CDH11: variants seen among roughly 807,000 people sequenced by gnomAD.
CDH11 encodes cadherin 11, also known as cadherin-11.
In CDH11, 11 loss-of-function variants were observed where a neutral mutation model predicts 67.8. The observed-to-expected ratio is 0.16, with a 90% CI of 0.10 to 0.27. The LOEUF is 0.27. Among genes scored for constraint, CDH11 ranks in the 10% least tolerant of loss-of-function variants. The probability of loss-of-function intolerance (pLI) is 1.00; values close to 1 mark genes in which losing one functional copy is unlikely to be tolerated. For missense variants in CDH11, 847 were observed against 1,031.2 expected (o/e 0.82, Z 2.45); for synonymous variants, 419 against 400.0 (o/e 1.05, Z -0.57).
At chr16:65,113,607 T>C (rs1327665470) in intron 1 of CDH11, among the ~76,000 whole-genome samples, 6 of 152,076 alleles carry the variant, frequency 3.9e-5, no homozygotes, top group Non-Finnish European at 2.9e-5. Context: ...TGCCACGTGG[T>C]AAAGCGGGCA....
chr16:65,017,975 C>T (rs1011887784), intron 2 of CDH11, among the ~76,000 whole-genome samples: 7 of 152,304 alleles, frequency 4.6e-5, no homozygotes, highest in Non-Finnish European at 7.4e-5. Flanking sequence ...CCTTACTATA[C>T]TTGGCCTGAT....
chr16:64,986,385 G>A lies in CDH11; in HGVS notation c.999+1772C>T, dbSNP rs906050543. 13 of 152,092 alleles carry A rather than the reference G, an allele frequency of 8.5e-5. No homozygotes were observed. In the East Asian group the frequency reaches 1.8e-3, roughly 21 times the overall value. 9.4% of individuals were successfully genotyped at this position (152,092 alleles called of 1,614,324 possible). On this transcript the variant is annotated intron_variant, in intron 7 of 12. Coordinates refer to ENST00000268603, the MANE Select transcript of CDH11 (RefSeq NM_001797.4). ...AATCATATGCAGAGAGCTCATTTGC[G>A]ACGTGTGAGTTCCATGGGGGTGATT...
intron 1 of CDH11, among the ~76,000 whole-genome samples, chr16:65,111,081 AC>A (rs2075148360): frequency 6.6e-6 from 1 of 152,196 alleles, no homozygotes; most frequent in African/African-American, 2.4e-5. Context: ...GAGGAAACCA[AC>A]CCATAGCATG....
Position 64,971,581 on chromosome 16 carries a change from C to T in CDH11, c.1640G>A (p.Arg547Gln), listed in dbSNP as rs373610980. The change falls in exon 11 of 13, where the codon CGA becomes CAA. Residue 547 changes from arginine to glutamine, a missense_variant and splice_region_variant. Arg to Gln is a conservative substitution (Grantham distance 43). Coordinates refer to ENST00000268603, the MANE Select transcript of CDH11 (RefSeq NM_001797.4). ...HNPNFTVRDNRDNTAGVYARR... is the reference protein window; with the variant it reads ...HNPNFTVRDNQDNTAGVYARR... Reference sequence around the variant, plus strand: ...TGCGTAGGAACCTTAGTACAAACCTCGGTTGTCTCTGACTGTGAAATTTGG... The same window carrying T: ...TGCGTAGGAACCTTAGTACAAACCTTGGTTGTCTCTGACTGTGAAATTTGG... 7.5e-6 allele frequency: 12 copies of T among 1,598,992 alleles called. No homozygotes were observed. The highest frequency in any genetic ancestry group is 5.4e-5 in the African/African-American group (4 of 74,366).
chr16:65,094,904 A>T (rs1597187049), intron 1 of CDH11: 1 of 152,016 alleles, frequency 6.6e-6, no homozygotes, highest in Non-Finnish European at 1.5e-5. Context: ...AACTGTGAGA[A>T]AAAAAAACAT....
At chr16:64,986,098 G>A (rs2072480264) in intron 7 of CDH11, 1 of 152,050 alleles carries the variant, frequency 6.6e-6, no homozygotes, top group Non-Finnish European at 1.5e-5. Context: ...TTGCCATAAT[G>A]TCTCTATAGA....
chr16:64,955,215 C>T, intron 11 of CDH11, among the ~76,000 whole-genome samples: 1 of 152,084 alleles, frequency 6.6e-6, no homozygotes, highest in East Asian at 1.9e-4. Context: ...TACTGTACTC[C>T]AGCCTGGGTG....
At chr16:65,039,427 C>G (rs1435325902) in intron 2 of CDH11, among the ~76,000 whole-genome samples, 1 of 152,132 alleles carries the variant, frequency 6.6e-6, no homozygotes, top group Non-Finnish European at 1.5e-5. Context: ...ACTATCTGAT[C>G]TTTGACAAAC....
At chr16:64,990,578 A>G (rs536008979) in intron 6 of CDH11, among the ~76,000 whole-genome samples, 1 of 118,508 alleles carries the variant, frequency 8.4e-6, no homozygotes, top group Admixed American at 1.0e-4. Context: ...CTTGTGTTCA[A>G]ACTCTGACTT....
chr16:64,998,321 C>T, intron 4 of CDH11, among the ~76,000 whole-genome samples: 1 of 152,246 alleles, frequency 6.6e-6, no homozygotes, highest in East Asian at 1.9e-4. Flanking sequence ...TTACCAGTGT[C>T]ATTACCTATT....
chr16:65,111,077 AC>A (rs2142882377), intron 1 of CDH11, among the ~76,000 whole-genome samples: 2 of 152,312 alleles, frequency 1.3e-5, no homozygotes, highest in East Asian at 3.9e-4. Context: ...AACTGAGGAA[AC>A]CAACCCATAG....
In CDH11 at chr16:64,945,555, G is replaced by A; in HGVS notation, c.*2048C>T. The stretch of plus-strand genomic sequence containing the variant: ...TCAATTGGAGATCTGTGCAAATCTA[G>A]CAAAATATTCTTTGGATTACAAAAA... On this transcript the variant is annotated 3_prime_UTR_variant, in exon 13 of 13. Transcript: ENST00000268603. 1 of 1,029,586 alleles carries A rather than the reference G, an allele frequency of 9.7e-7. No homozygotes were observed. Among genetic ancestry groups the A allele is most frequent in the Non-Finnish European group, 1.2e-6 (1 of 856,166 alleles). The allele number at this position is 1,029,586 out of a possible 1,614,324, so 63.8% of individuals were successfully genotyped here. A position where few individuals can be genotyped will look rare whatever the true frequency, so the allele number is the denominator to read the frequency against.
chr16:65,084,987 G>A (rs1597174668), intron 1 of CDH11, among the ~76,000 whole-genome samples: 1 of 152,282 alleles, frequency 6.6e-6, no homozygotes, highest in East Asian at 1.9e-4. Context: ...TCAACTCACA[G>A]CAACCTCCAC....
In CDH11 at chr16:64,981,772, G is replaced by T. The variant is rs1288342121; in HGVS notation, c.1253+276C>A. 1.5e-5 allele frequency: 5 copies of T among 329,550 alleles called. No individual in the cohort carries two copies. In the East Asian group the frequency reaches 2.4e-4, roughly 16 times the overall value. The allele number at this position is 329,550 out of a possible 1,614,324, so 20.4% of individuals were successfully genotyped here. On this transcript the variant is annotated intron_variant, in intron 8 of 12. Coordinates refer to ENST00000268603, the MANE Select transcript of CDH11 (RefSeq NM_001797.4). ...TTATATTTCCCCACAGTCCCCTGAG[G>T]CAGACAGGCCCAGCTCAGGGCTCCG...
At position 65,007,091 on chromosome 16, in the gene CDH11, T is replaced by C. The variant is rs145690559; in HGVS notation, c.-172-2050A>G. ...AACAAATAAGTTACTTGGGATACCATAGCCATCTGACCTCAGCAACCTAGA... is the reference window on the plus strand; with the variant it reads ...AACAAATAAGTTACTTGGGATACCACAGCCATCTGACCTCAGCAACCTAGA... On this transcript the variant is annotated intron_variant, in intron 2 of 12. Coordinates refer to ENST00000268603, the MANE Select transcript of CDH11 (RefSeq NM_001797.4). 125 of 152,328 alleles carry C rather than the reference T, an allele frequency of 8.2e-4. 1 individual carries two copies. The highest frequency in any genetic ancestry group is 2.6e-3 in the African/African-American group (108 of 41,576). The allele number at this position is 152,328 out of a possible 1,614,324, so 9.4% of individuals were successfully genotyped here.
At chr16:64,958,132 A>T (rs1477065734) in intron 11 of CDH11, among the ~76,000 whole-genome samples, 1 of 152,188 alleles carries the variant, frequency 6.6e-6, no homozygotes, top group Non-Finnish European at 1.5e-5. Context: ...TCCTTGAGGG[A>T]AGGGGCCTTG....
In CDH11 at chr16:64,947,785, A is replaced by C; in HGVS notation, c.2209T>G (p.Tyr737Asp). The change falls in exon 13 of 13, where the codon TAT (tyrosine) becomes GAT (aspartate). Residue 737 changes from tyrosine to aspartate, a missense_variant. Transcript: ENST00000268603. ...EADNDPTAPP[Y>D]DSIQIYGYEG... is the part of the protein sequence containing the mutation. The stretch of plus-strand genomic sequence containing the variant: ...TAACCGTAGATTTGAATGGAGTCAT[A>C]AGGAGGAGCCGTGGGGTCATTGTCT... The C allele has an allele frequency of 6.2e-7, 1 of 1,614,112 alleles. No individual in the cohort carries two copies. The highest frequency in any genetic ancestry group is 8.5e-7 in the Non-Finnish European group (1 of 1,180,006).
At chr16:65,102,545 G>A (rs1465009924) in intron 1 of CDH11, among the ~76,000 whole-genome samples, 4 of 152,192 alleles carry the variant, frequency 2.6e-5, no homozygotes, top group Non-Finnish European at 5.9e-5. Context: ...TAGCCAAAGG[G>A]ATATAGACAA....
chr16:64,991,964 A>G (rs763180067), intron 5 of CDH11, 29 bp from the exon 6 acceptor site: 77 of 1,514,426 alleles, frequency 5.1e-5, no homozygotes, highest in Non-Finnish European at 6.8e-5. Flanking sequence ...AACATCACAG[A>G]TATTCGTTTA....
Sources: allele counts gnomAD v4.1 joint callset (sites outside exome capture counted in the v4.1 genomes callset), GRCh38; gene constraint gnomAD v4.1.1; transcripts MANE v1.5; gene names NCBI Gene and HGNC (gene_info 2026-07-23, HGNC 2026-07-21).